SHPRH: variants seen among roughly 807,000 people sequenced by gnomAD.
SHPRH encodes the protein SNF2 histone linker PHD RING helicase.
SHPRH carries 106 observed loss-of-function variants against 202.5 expected under a neutral mutation model. The observed-to-expected ratio is 0.52, with a 90% CI of 0.45 to 0.62. The LOEUF is 0.62. Ranked by LOEUF, SHPRH falls within the 20% of genes least tolerant of loss-of-function variation. The probability of loss-of-function intolerance (pLI) is 0.00; values close to 1 mark genes in which losing one functional copy is unlikely to be tolerated. For synonymous variants in SHPRH, 729 were observed against 686.0 expected, an observed-to-expected ratio of 1.06 and a Z score of -0.98; for missense variants, 1,710 against 2,020.0, an observed-to-expected ratio of 0.85 and a Z score of 2.94.
At chr6:145,931,674 T>TA (rs1785463482) in intron 14 of SHPRH, among the ~76,000 whole-genome samples, 1 of 152,112 alleles carries the variant, frequency 6.6e-6, no homozygotes, top group African/African-American at 2.4e-5. Context: ...TCTTTTGGAT[T>TA]ATTACCTCTA....
rs200904161 is a variant in SHPRH at position 145,887,529 on chromosome 6, G to GTTTTTTTTTTTTTTTTT, written c.4955+490_4955+491insAAAAAAAAAAAAAAAAA. 3.8e-5 allele frequency among the ~76,000 whole-genome samples: 5 copies of GTTTTTTTTTTTTTTTTT among 130,134 alleles called. 2 individuals carry two copies. The highest frequency in any genetic ancestry group is 4.9e-5 in the Non-Finnish European group (3 of 60,712). The allele number at this position is 130,134 out of a possible 152,430, so 85.4% of individuals were successfully genotyped here. On this transcript the variant is annotated intron_variant, in intron 29 of 29. Coordinates refer to ENST00000275233, the MANE Select transcript of SHPRH (RefSeq NM_001042683.3). Reference sequence around the variant, plus strand: ...TTGACACCACAATTAACCTTAACAAGTTTGTTTTTTTTTTTTTTTTTTTTG... The same window carrying GTTTTTTTTTTTTTTTTT: ...TTGACACCACAATTAACCTTAACAAGTTTTTTTTTTTTTTTTTTTTGTTTTTTTTTTTTTTTTTTTTG...
chr6:145,923,576 T>A, intron 18 of SHPRH, 67 bp downstream of exon 18: 1 of 1,564,276 alleles, frequency 6.4e-7, no homozygotes, highest in East Asian at 2.3e-5. Flanking sequence ...AATTAGAAAC[T>A]AGAAAATACA....
chr6:145,938,034 T>C (rs974961598), intron 11 of SHPRH, among the ~76,000 whole-genome samples: 2 of 152,220 alleles, frequency 1.3e-5, no homozygotes, highest in African/African-American at 4.8e-5. Flanking sequence ...GTAAGCTCAA[T>C]AGATAAGGGA....
chr6:145,880,274 A>G (rs1030254019), downstream of SHPRH, among the ~76,000 whole-genome samples: 5 of 152,162 alleles, frequency 3.3e-5, no homozygotes, highest in African/African-American at 1.2e-4. Context: ...TCATTATTTA[A>G]TATTAACATA....
chr6:145,936,279 A>C (rs1422013550), intron 11 of SHPRH, among the ~76,000 whole-genome samples: 1 of 152,140 alleles, frequency 6.6e-6, no homozygotes, highest in Non-Finnish European at 1.5e-5. Context: ...CAAATATATA[A>C]ACATCTATAT....
chr6:145,864,714 G>C (rs1392269978), intron 2 of SHPRH, among the ~76,000 whole-genome samples: 1 of 149,726 alleles, frequency 6.7e-6, no homozygotes, highest in East Asian at 2.0e-4. Flanking sequence ...AAAAAAAAGA[G>C]AAACTGCATT....
chr6:145,927,312 G>A (rs774243438), intron 14 of SHPRH, 35 bp from the exon 15 acceptor site: 2 of 1,569,938 alleles, frequency 1.3e-6, no homozygotes, highest in Non-Finnish European at 1.7e-6. Flanking sequence ...GCATACGAGA[G>A]TCACATATTT....
At chr6:145,905,125 T>C (rs1460073780) in intron 25 of SHPRH, 1 of 152,160 alleles carries the variant, frequency 6.6e-6, no homozygotes, top group African/African-American at 2.4e-5. Flanking sequence ...CTTATGCCAG[T>C]TCCTTGTACT....
intron 2 of SHPRH, chr6:145,877,703 A>G (rs969313929): frequency 1.3e-5 from 2 of 152,166 alleles, no homozygotes; most frequent in African/African-American, 4.8e-5. Context: ...ACATTTTACA[A>G]CCTACCCTCT....
chr6:145,962,391 A>C (rs1789181463), intron 1 of SHPRH, among the ~76,000 whole-genome samples: 1 of 152,198 alleles, frequency 6.6e-6, no homozygotes, highest in Non-Finnish European at 1.5e-5. Flanking sequence ...ACCTAACGAT[A>C]CTTTACTCTT....
chr6:145,933,635 TCTAA>T (rs1314303323), intron 13 of SHPRH, among the ~76,000 whole-genome samples: 3 of 152,216 alleles, frequency 2.0e-5, no homozygotes, highest in African/African-American at 2.4e-5. Flanking sequence ...GTTTTCGGAC[TCTAA>T]CTGTACACAG....
At chr6:145,941,423 TCA>T (rs1397040095) in intron 10 of SHPRH, among the ~76,000 whole-genome samples, 198 bp downstream of exon 10, 4 of 152,144 alleles carry the variant, frequency 2.6e-5, no homozygotes, top group Non-Finnish European at 4.4e-5. Flanking sequence ...GAGCAATGAG[TCA>T]CAGAGTACAG....
chr6:145,899,419 TAAGAAG>T (rs1309086798), intron 25 of SHPRH, among the ~76,000 whole-genome samples: 1 of 152,136 alleles, frequency 6.6e-6, no homozygotes, highest in South Asian at 2.1e-4. Context: ...TTAACAAAGA[TAAGAAG>T]ATCACACAAT....
intron 25 of SHPRH, chr6:145,907,180 G>A (rs912737858): frequency 2.0e-5 from 3 of 152,008 alleles, no homozygotes; most frequent in African/African-American, 7.2e-5. Flanking sequence ...TGTATCATTA[G>A]CTATACCATT....
intron 2 of SHPRH, chr6:145,864,500 A>AT: frequency 4.0e-6 from 1 of 252,976 alleles, no homozygotes; most frequent in Non-Finnish European, 8.7e-6. Context: ...ACCTGTGGAA[A>AT]TAAAAAATTA....
intron 11 of SHPRH, among the ~76,000 whole-genome samples, chr6:145,937,757 A>T (rs1318791080): frequency 6.6e-6 from 1 of 152,108 alleles, no homozygotes; most frequent in Non-Finnish European, 1.5e-5. Context: ...CTGCCACATG[A>T]TCTATTTACA....
At chr6:145,887,617 C>A (rs1408705466) in intron 29 of SHPRH, among the ~76,000 whole-genome samples, 3 of 148,806 alleles carry the variant, frequency 2.0e-5, no homozygotes, top group African/African-American at 7.4e-5. Flanking sequence ...CTCACTGCAA[C>A]CTCCACCTCC....
At chr6:145,879,729 G>A (rs1780465815) in intron 2 of SHPRH, among the ~76,000 whole-genome samples, 1 of 151,850 alleles carries the variant, frequency 6.6e-6, no homozygotes. Context: ...TGGCCAACAT[G>A]GTGAAACCCC....
At position 145,947,559 on chromosome 6, in the gene SHPRH, C is replaced by T; in HGVS notation, c.1146G>A (p.Glu382=). The change falls in exon 6 of 30, where the codon GAG becomes GAA. Residue 382 remains glutamate, a synonymous_variant. Transcript: ENST00000275233. Reference sequence around the variant, plus strand: ...TATGTGTCAGAATCAGAGCCAAAACCTCCACTGTCTTTCCAAGACCCATCT... The same window carrying T: ...TATGTGTCAGAATCAGAGCCAAAACTTCCACTGTCTTTCCAAGACCCATCT... The part of the protein sequence containing the change: ...ADEMGLGKTV[E]VLALILTHTR... 1 of 1,612,988 alleles carries T rather than the reference C, an allele frequency of 6.2e-7. No homozygotes were observed. Among genetic ancestry groups the T allele is most frequent in the Non-Finnish European group, 8.5e-7 (1 of 1,179,342 alleles).
Sources: gnomAD v4.1 joint callset for allele counts (sites outside exome capture counted in the v4.1 genomes callset) on GRCh38, gnomAD v4.1.1 for gene constraint, MANE v1.5 for transcripts, NCBI Gene and HGNC (gene_info 2026-07-23, HGNC 2026-07-21) for gene names.